Variants in KRABD3 observed in about 807,000 individuals in gnomAD.
KRABD3 encodes KRAB domain containing 3.
chr7:149,724,052 G>A, the KRABD3 span, among the ~76,000 whole-genome samples: 1 of 152,208 alleles, frequency 6.6e-6, no homozygotes, highest in Non-Finnish European at 1.5e-5. Context: ...AGTGGAGCGA[G>A]CTGTGTGGGA....
At chr7:149,720,875 G>A in the KRABD3 span, 9 of 1,605,950 alleles carry the variant, frequency 5.6e-6, no homozygotes, top group African/African-American at 8.0e-5. Context: ...CAGCCCTGGT[G>A]CAGCTGGTGA....
chr7:149,716,500 C>G, the KRABD3 span, among the ~76,000 whole-genome samples: 1 of 152,250 alleles, frequency 6.6e-6, no homozygotes, highest in African/African-American at 2.4e-5. Flanking sequence ...CTCACACTTG[C>G]TCACTCCCTC....
chr7:149,733,725 C>G, the KRABD3 span: 1 of 1,581,514 alleles, frequency 6.3e-7, no homozygotes, highest in South Asian at 1.2e-5. Context: ...GCAGAACCTC[C>G]TGGGCTCCAC....
At chr7:149,720,791 A>G in the KRABD3 span, 3 of 1,538,612 alleles carry the variant, frequency 1.9e-6, no homozygotes, top group African/African-American at 2.7e-5. Flanking sequence ...GTGAGTGCTG[A>G]GCAGCCGCAG....
chr7:149,723,784 T>C, the KRABD3 span: 8 of 1,613,986 alleles, frequency 5.0e-6, no homozygotes, highest in Non-Finnish European at 6.8e-6. Flanking sequence ...TCTGCTACAC[T>C]GTCTGAAGGA....
At chr7:149,728,132 G>A in the KRABD3 span, among the ~76,000 whole-genome samples, 2,742 of 152,364 alleles carry the variant, frequency 0.018, 94 homozygotes, top group African/African-American at 0.062. Context: ...AGAGGCCAGG[G>A]GGCCTGTGTT....
At chr7:149,728,772 A>G in the KRABD3 span, 2,170 of 1,361,748 alleles carry the variant, frequency 1.6e-3, 24 homozygotes, top group African/African-American at 0.024. Context: ...CTGAGCCAAC[A>G]TGGTGCTCTG....
chr7:149,716,724 C>T, the KRABD3 span, among the ~76,000 whole-genome samples: 1 of 152,186 alleles, frequency 6.6e-6, no homozygotes, highest in Admixed American at 6.5e-5. Context: ...GAGAGAGACA[C>T]CGGTGGTCAG....
chr7:149,725,581 C>T, the KRABD3 span: 8 of 1,294,406 alleles, frequency 6.2e-6, no homozygotes, highest in Non-Finnish European at 7.3e-6. Context: ...GTTCCCCGGC[C>T]TCCTGAGACA....
At chr7:149,723,921 C>T in the KRABD3 span, 1 of 1,609,010 alleles carries the variant, frequency 6.2e-7, no homozygotes, top group South Asian at 1.1e-5. Context: ...GGGAGGGCCC[C>T]CAGACATCCT....
chr7:149,725,510 G>A, the KRABD3 span: 64 of 1,583,366 alleles, frequency 4.0e-5, no homozygotes, highest in East Asian at 1.8e-4. Flanking sequence ...CCATGGGCGC[G>A]GGGTGGCATG....
chr7:149,721,426 C>G, the KRABD3 span: 3 of 1,611,968 alleles, frequency 1.9e-6, no homozygotes, highest in South Asian at 3.3e-5. Flanking sequence ...TGCTCAGCTG[C>G]CTTCCAGACG....
chr7:149,717,302 C>T, the KRABD3 span, among the ~76,000 whole-genome samples: 2 of 152,224 alleles, frequency 1.3e-5, no homozygotes, highest in Non-Finnish European at 2.9e-5. Context: ...CCTTGAGCCA[C>T]TCCCATCATT....
At chr7:149,733,804 C>T in the KRABD3 span, 1 of 1,604,796 alleles carries the variant, frequency 6.2e-7, no homozygotes, top group Non-Finnish European at 8.5e-7. Context: ...CACACCCCCT[C>T]CTCGCACATA....
chr7:149,721,275 A>C, the KRABD3 span: 3 of 1,362,324 alleles, frequency 2.2e-6, no homozygotes, highest in East Asian at 4.7e-5. Flanking sequence ...GGTGGCTGAC[A>C]TCCTGGTCAT....
At chr7:149,729,383 C>T in the KRABD3 span, 1 of 1,447,894 alleles carries the variant, frequency 6.9e-7, no homozygotes, top group African/African-American at 1.5e-5. Flanking sequence ...GAGCTGGCAC[C>T]TGCCCTCGGT....
chr7:149,733,726 TG>T, the KRABD3 span: 1 of 1,581,700 alleles, frequency 6.3e-7, no homozygotes, highest in Non-Finnish European at 8.6e-7. Flanking sequence ...CAGAACCTCC[TG>T]GGCTCCACTG....
the KRABD3 span, chr7:149,730,600 T>C: frequency 1.2e-6 from 2 of 1,602,592 alleles, no homozygotes. Flanking sequence ...GGGGCGCCCA[T>C]GCGTTCCCCA....
chr7:149,716,283 A>T, the KRABD3 span, among the ~76,000 whole-genome samples: 6 of 152,214 alleles, frequency 3.9e-5, no homozygotes, highest in African/African-American at 7.2e-5. Context: ...TGGAAGGGTG[A>T]TGTTAGGAGG....
Sources: gnomAD v4.1 joint callset for allele counts (sites outside exome capture counted in the v4.1 genomes callset) on GRCh38, gnomAD v4.1.1 for gene constraint, MANE v1.5 for transcripts, NCBI Gene and HGNC (gene_info 2026-07-23, HGNC 2026-07-21) for gene names.